The following LUZP2 variants were observed in gnomAD, a reference collection of about 807,000 sequenced individuals.
LUZP2 encodes leucine zipper protein 2.
In LUZP2, 52 loss-of-function variants were observed where a neutral mutation model predicts 51.6. That is an observed-to-expected ratio of 1.01 (90% CI 0.81 to 1.27). LUZP2 has a LOEUF of 1.27. LUZP2 is among the 50% of genes most tolerant of loss of function. LUZP2 has a pLI of 0.00. For missense variants in LUZP2, 436 were observed against 395.4 expected (o/e 1.10, Z -0.87); for synonymous variants, 154 against 137.3 (o/e 1.12, Z -0.85).
At chr11:24,985,429 C>G (rs989734076) in intron 9 of LUZP2, among the ~76,000 whole-genome samples, 4 of 151,604 alleles carry the variant, frequency 2.6e-5, no homozygotes, top group Admixed American at 2.0e-4. Context: ...TATAAAAAGT[C>G]AAGGTAGAAA....
intron 9 of LUZP2, among the ~76,000 whole-genome samples, chr11:25,025,004 C>A (rs932164218): frequency 6.6e-6 from 1 of 151,782 alleles, no homozygotes; most frequent in African/African-American, 2.4e-5. Flanking sequence ...CATCTACAAC[C>A]ATCTGATCTT....
chr11:24,972,151 A>AC (rs1009831624), intron 7 of LUZP2, among the ~76,000 whole-genome samples: 6 of 149,718 alleles, frequency 4.0e-5, no homozygotes, highest in African/African-American at 1.5e-4. Context: ...AAAAAAAAAA[A>AC]AAAAAAAAAA....
intron 1 of LUZP2, among the ~76,000 whole-genome samples, chr11:24,548,183 A>G (rs1020117816): frequency 6.6e-5 from 10 of 152,220 alleles, no homozygotes; most frequent in Admixed American, 6.6e-4. Flanking sequence ...CATTTGACCC[A>G]GCAATTTCAT....
chr11:24,741,893 A>T (rs1234807960), intron 4 of LUZP2, among the ~76,000 whole-genome samples: 1 of 138,982 alleles, frequency 7.2e-6, no homozygotes, highest in Non-Finnish European at 1.5e-5. Context: ...ATATTTATAT[A>T]CATATATATT....
At chr11:24,655,954 G>A (rs1037009738) in intron 1 of LUZP2, among the ~76,000 whole-genome samples, 7 of 152,106 alleles carry the variant, frequency 4.6e-5, no homozygotes, top group Non-Finnish European at 5.9e-5. Flanking sequence ...TTACAAATGA[G>A]GTTAGTGACA....
chr11:24,806,254 G>A (rs1849853657), intron 5 of LUZP2, among the ~76,000 whole-genome samples: 1 of 152,174 alleles, frequency 6.6e-6, no homozygotes, highest in Non-Finnish European at 1.5e-5. Flanking sequence ...CTCGGTAAAT[G>A]TTAATTGTTA....
rs1159262346 is a variant in LUZP2, at chr11:24,914,540, T to A, written c.522+2T>A. Reference sequence around the variant, plus strand: ...GGGAAGAAGGATTTATTATTTAAGGTGAGTCTCTTTTCTCTCTTTTCCCTG... The same window carrying A: ...GGGAAGAAGGATTTATTATTTAAGGAGAGTCTCTTTTCTCTCTTTTCCCTG... On this transcript the variant is annotated splice_donor_variant, in intron 7 of 11. Coordinates refer to ENST00000336930, the MANE Select transcript of LUZP2 (RefSeq NM_001009909.4). LOFTEE classifies it high-confidence loss of function. 1 of 1,598,066 alleles carries A rather than the reference T, an allele frequency of 6.3e-7. No homozygotes were observed.
At position 24,600,189 on chromosome 11, in the gene LUZP2, A is replaced by ACG. The variant is rs1554961566; in HGVS notation, c.62+102885_62+102886insGC. Among the ~76,000 whole-genome samples the ACG allele has an allele frequency of 8.0e-3, 1,078 of 135,118 alleles. 15 individuals are homozygous for ACG. Among genetic ancestry groups the ACG allele is most frequent in the African/African-American group, 0.029 (1,014 of 34,422 alleles). The allele number at this position is 135,118 out of a possible 152,430, so 88.6% of individuals were successfully genotyped here. On this transcript the variant is annotated intron_variant, in intron 1 of 11. Coordinates refer to ENST00000336930, the MANE Select transcript of LUZP2 (RefSeq NM_001009909.4). Reference sequence around the variant, plus strand: ...TGTAGATTACAACACACACACACACACACACACACACACACACACACACAC... The same window carrying ACG: ...TGTAGATTACAACACACACACACACACGCACACACACACACACACACACACAC...
intron 7 of LUZP2, among the ~76,000 whole-genome samples, chr11:24,935,503 T>C (rs567778432): frequency 6.6e-6 from 1 of 152,198 alleles, no homozygotes; most frequent in Non-Finnish European, 1.5e-5. Context: ...CATTTTAGGT[T>C]CTAAAATTAT....
At chr11:24,757,385 T>C (rs1859814797) in intron 4 of LUZP2, among the ~76,000 whole-genome samples, 1 of 152,178 alleles carries the variant, frequency 6.6e-6, no homozygotes, top group African/African-American at 2.4e-5. Flanking sequence ...TTTAAAAATA[T>C]GTTCTAATAA....
At chr11:24,712,450 A>C (rs888633150) in intron 1 of LUZP2, among the ~76,000 whole-genome samples, 3 of 152,158 alleles carry the variant, frequency 2.0e-5, no homozygotes, top group African/African-American at 7.2e-5. Flanking sequence ...ACACATCATC[A>C]TCAAGTGAGG....
intron 10 of LUZP2, among the ~76,000 whole-genome samples, chr11:25,071,208 C>T (rs192591880): frequency 6.6e-6 from 1 of 151,850 alleles, no homozygotes; most frequent in Admixed American, 6.6e-5. Flanking sequence ...ATATAAACAG[C>T]AATTAAGTTG....
intron 5 of LUZP2, among the ~76,000 whole-genome samples, chr11:24,878,679 A>G (rs1852355780): frequency 6.6e-6 from 1 of 151,772 alleles, no homozygotes; most frequent in Non-Finnish European, 1.5e-5. Flanking sequence ...TCCGGGACAC[A>G]TGTGCAGAAA....
chr11:24,562,638 G>C (rs1456019976), intron 1 of LUZP2, among the ~76,000 whole-genome samples: 1 of 151,466 alleles, frequency 6.6e-6, no homozygotes, highest in East Asian at 1.9e-4. Flanking sequence ...CAGATCACAA[G>C]GTCAGGAGAA....
chr11:24,782,690 G>T (rs1849128747), intron 5 of LUZP2, among the ~76,000 whole-genome samples: 1 of 151,844 alleles, frequency 6.6e-6, no homozygotes, highest in Non-Finnish European at 1.5e-5. Flanking sequence ...CCCAGTGCCT[G>T]TCAAATAGTA....
chr11:25,081,578 G>A lies in LUZP2; in HGVS notation c.*2920G>A, dbSNP rs1000886820. 3.3e-5 allele frequency: 5 copies of A among 151,954 alleles called. No individual in the cohort carries two copies. Among genetic ancestry groups the A allele is most frequent in the East Asian group, 1.9e-4 (1 of 5,174 alleles). 9.4% of individuals were successfully genotyped at this position (151,954 alleles called of 1,614,324 possible). On this transcript the variant is annotated 3_prime_UTR_variant, in exon 12 of 12. Coordinates refer to ENST00000336930, the MANE Select transcript of LUZP2 (RefSeq NM_001009909.4). ...TTTTTATTTGCTTCAAAATAGAATCGGATAAGTTTAAAATGTTCCTCTTAC... is the reference window on the plus strand; with the variant it reads ...TTTTTATTTGCTTCAAAATAGAATCAGATAAGTTTAAAATGTTCCTCTTAC...
At chr11:24,843,497 A>T (rs1267187423) in intron 5 of LUZP2, among the ~76,000 whole-genome samples, 1 of 152,220 alleles carries the variant, frequency 6.6e-6, no homozygotes, top group South Asian at 2.1e-4. Flanking sequence ...GCAACATTTT[A>T]AAGTTATAAT....
At chr11:25,019,442 C>CCATT (rs1230100026) in intron 9 of LUZP2, among the ~76,000 whole-genome samples, 1 of 152,018 alleles carries the variant, frequency 6.6e-6, no homozygotes, top group Non-Finnish European at 1.5e-5. Flanking sequence ...ATATCATATA[C>CCATT]CATTGTCTTA....
chr11:24,617,556 CA>C (rs1854330021), intron 1 of LUZP2, among the ~76,000 whole-genome samples: 2 of 152,168 alleles, frequency 1.3e-5, no homozygotes, highest in Non-Finnish European at 2.9e-5. Context: ...GGCCGTGGCT[CA>C]CGCCTGTAAT....
Sources: gnomAD v4.1 joint callset for allele counts (sites outside exome capture counted in the v4.1 genomes callset) on GRCh38, gnomAD v4.1.1 for gene constraint, MANE v1.5 for transcripts, NCBI Gene and HGNC (gene_info 2026-07-23, HGNC 2026-07-21) for gene names.